TNS3: variants seen among roughly 807,000 people sequenced by gnomAD.
TNS3 encodes the protein tensin-3.
In TNS3, 45 loss-of-function variants were observed where a neutral mutation model predicts 140.9. That is an observed-to-expected ratio of 0.32 (90% CI 0.25 to 0.41). The LOEUF (loss-of-function observed/expected upper bound fraction) is 0.41. Among genes scored for constraint, TNS3 ranks in the 10% least tolerant of loss-of-function variants. The pLI is 1.00. For synonymous variants in TNS3, 815 were observed against 788.4 expected (o/e 1.03, Z -0.56); for missense variants, 1,716 against 1,906.7 (o/e 0.90, Z 1.86).
At chr7:47,449,335 T>C (rs756859334) in intron 4 of TNS3, among the ~76,000 whole-genome samples, 22 of 152,340 alleles carry the variant, frequency 1.4e-4, no homozygotes, top group Admixed American at 6.5e-4. Context: ...AGCCTGGTCC[T>C]CAGAGCCCTG....
intron 1 of TNS3, 33 bp from the exon 2 acceptor site, chr7:47,529,180 T>G: frequency 8.9e-7 from 1 of 1,122,620 alleles, no homozygotes; most frequent in African/African-American, 1.6e-5. Context: ...TGTCAACGTT[T>G]CATCTCATAG....
At chr7:47,529,011 G>T in intron 2 of TNS3, 25 bp downstream of exon 2, 1 of 1,223,542 alleles carries the variant, frequency 8.2e-7, no homozygotes, top group Non-Finnish European at 1.1e-6. Flanking sequence ...ATTAATCAGT[G>T]AGAGAATCAT....
intron 1 of TNS3, chr7:47,556,917 G>A (rs1800209705): frequency 4.7e-6 from 2 of 421,458 alleles, no homozygotes; most frequent in African/African-American, 4.0e-5. Flanking sequence ...TGGGCAGAAG[G>A]GCAGGTTGCA....
intron 20 of TNS3, among the ~76,000 whole-genome samples, chr7:47,317,500 A>G (rs776738057): frequency 2.0e-5 from 3 of 152,208 alleles, no homozygotes; most frequent in Non-Finnish European, 4.4e-5. Flanking sequence ...GAGAATTCTA[A>G]TGTTGAAACA....
chr7:47,447,278 GTTTGTTTGTT>G (rs1795794373), intron 4 of TNS3, among the ~76,000 whole-genome samples: 1 of 151,402 alleles, frequency 6.6e-6, no homozygotes, highest in Admixed American at 6.6e-5. Context: ...TTGTTTGTTT[GTTTGTTTGTT>G]TTTGAGATGG....
intron 3 of TNS3, among the ~76,000 whole-genome samples, chr7:47,491,550 G>A (rs1259305306): frequency 1.3e-5 from 2 of 152,168 alleles, no homozygotes; most frequent in Admixed American, 6.5e-5. Context: ...GGGACCCCAC[G>A]GCCTTTCAAA....
chr7:47,520,857 G>A lies in TNS3; in HGVS notation c.-153+8179C>T, dbSNP rs368379214. On this transcript the variant is annotated intron_variant, in intron 2 of 30. Coordinates refer to ENST00000311160, the MANE Select transcript of TNS3 (RefSeq NM_022748.12). ...TAGAAGTCAACCCCAGGGTGGGGCT[G>A]GGCTTGCCCTCAGGGTTGGGGGACT... Among the ~76,000 whole-genome samples, 34 of 152,326 alleles carry A rather than the reference G, an allele frequency of 2.2e-4. No homozygotes were observed. The South Asian group carries it at 5.2e-3, about 23-fold the overall frequency.
Position 47,277,909 on chromosome 7 carries a change from G to A in TNS3, c.*167C>T, listed in dbSNP as rs1784939412. 1 of 790,938 alleles carries A rather than the reference G, an allele frequency of 1.3e-6. No individual in the cohort carries two copies. Among genetic ancestry groups the A allele is most frequent in the Non-Finnish European group, 2.2e-6 (1 of 461,972 alleles). 49.0% of individuals were successfully genotyped at this position (790,938 alleles called of 1,614,324 possible). On this transcript the variant is annotated 3_prime_UTR_variant, in exon 31 of 31. Coordinates refer to ENST00000311160, the MANE Select transcript of TNS3 (RefSeq NM_022748.12). ...CTTTCAGGAAAGGCCAATTCACGGT[G>A]ATGTTGTTTGTTCTTGTTTTTGCAG...
chr7:47,579,711 T>A (rs1273278958), intron 1 of TNS3: 2 of 335,344 alleles, frequency 6.0e-6, no homozygotes, highest in Non-Finnish European at 8.5e-6. Context: ...CTCATTCAGA[T>A]CCCTAACTGT....
In TNS3 at chr7:47,280,273, G is replaced by A. The variant is rs771778735; in HGVS notation, c.4166+13C>T. 18 of 1,614,070 alleles carry A rather than the reference G, an allele frequency of 1.1e-5. No individual in the cohort carries two copies. The highest frequency in any genetic ancestry group is 1.5e-5 in the Non-Finnish European group (18 of 1,179,958). On this transcript the variant is annotated intron_variant, in intron 29 of 30. Coordinates refer to ENST00000311160, the MANE Select transcript of TNS3 (RefSeq NM_022748.12). Reference sequence around the variant, plus strand: ...AGTACACTCCTTGCTCAATAAAAATGCAAATTTCTTACTTCCTGTCTTGTG... The same window carrying A: ...AGTACACTCCTTGCTCAATAAAAATACAAATTTCTTACTTCCTGTCTTGTG...
At chr7:47,460,978 C>G (rs146388150) in intron 4 of TNS3, among the ~76,000 whole-genome samples, 150 of 152,242 alleles carry the variant, frequency 9.9e-4, no homozygotes, top group African/African-American at 3.6e-3. Context: ...ATAGATCCCG[C>G]CATGAGAAAA....
At chr7:47,441,874 G>T in intron 5 of TNS3, 129 bp downstream of exon 5, 1 of 674,428 alleles carries the variant, frequency 1.5e-6, no homozygotes, top group Non-Finnish European at 2.3e-6. Context: ...CCTTTGATTG[G>T]CAATGTTTAC....
chr7:47,278,138 G>A lies in TNS3; in HGVS notation c.4276C>T (p.Pro1426Ser). The A allele has an allele frequency of 6.2e-7, 1 of 1,614,118 alleles. No individual in the cohort carries two copies. Among genetic ancestry groups the A allele is most frequent in the Non-Finnish European group, 8.5e-7 (1 of 1,180,012 alleles). Residue 1426 changes from proline to serine, a missense_variant, in exon 31 of 31, where the codon CCT (proline) becomes TCT (serine). Coordinates refer to ENST00000311160, the MANE Select transcript of TNS3 (RefSeq NM_022748.12). Reference sequence around the variant, plus strand: ...ACGAAGTTGACAATGGCACTGGCAGGCTGCTCAGGGTCATGCTCTGCAAAC... The same window carrying A: ...ACGAAGTTGACAATGGCACTGGCAGACTGCTCAGGGTCATGCTCTGCAAAC... ...HLFAEHDPEQ[P>S]ASAIVNFVSK...
intron 18 of TNS3, 90 bp downstream of exon 18, chr7:47,346,097 A>G: frequency 6.6e-6 from 10 of 1,518,658 alleles, no homozygotes; most frequent in Non-Finnish European, 9.0e-6. Flanking sequence ...TTCAGGGACA[A>G]GGCCTGGTCA....
intron 4 of TNS3, among the ~76,000 whole-genome samples, chr7:47,475,657 G>A (rs910205210): frequency 2.0e-5 from 3 of 152,204 alleles, no homozygotes; most frequent in Admixed American, 6.5e-5. Context: ...GCACCTGAGG[G>A]CATCAAGATT....
At chr7:47,361,206 C>CAAAAAGAAAAAAAAAAAAAAA (rs1790298688) in intron 17 of TNS3, among the ~76,000 whole-genome samples, 1 of 47,154 alleles carries the variant, frequency 2.1e-5, no homozygotes, top group Non-Finnish European at 4.6e-5. Flanking sequence ...GTAACCATGC[C>CAAAAAGAAAAAAAAAAAAAAA]AAAAAAAAAA....
At chr7:47,569,886 C>T (rs751686077) in intron 1 of TNS3, among the ~76,000 whole-genome samples, 4 of 151,918 alleles carry the variant, frequency 2.6e-5, no homozygotes, top group African/African-American at 7.2e-5. Context: ...TGGTGGCTCA[C>T]GCCTGTAATC....
rs762025606 is a variant in TNS3 at position 47,297,112 on chromosome 7, G to T, written c.3646C>A (p.Pro1216Thr). 6.2e-7 allele frequency: 1 copy of T among 1,614,140 alleles called. No homozygotes were observed. The highest frequency in any genetic ancestry group is 8.5e-7 in the Non-Finnish European group (1 of 1,180,028). Reference sequence around the variant, plus strand: ...TTGTTCAGCTGCAGGACTGAAGGTGGGGGCGTGGCCACCTTCATGGCCAGG... The same window carrying T: ...TTGTTCAGCTGCAGGACTGAAGGTGTGGGCGTGGCCACCTTCATGGCCAGG... ...YGLAMKVATP[P>T]PSVLQLNKKA... The change falls in exon 24 of 31, where the codon CCA becomes ACA. Residue 1216 changes from proline to threonine, a missense_variant. Pro to Thr is a conservative substitution (Grantham distance 38, BLOSUM62 -1). Coordinates refer to ENST00000311160, the MANE Select transcript of TNS3 (RefSeq NM_022748.12).
chr7:47,575,202 A>G (rs918480071), intron 1 of TNS3, among the ~76,000 whole-genome samples: 1 of 152,232 alleles, frequency 6.6e-6, no homozygotes, highest in Non-Finnish European at 1.5e-5. Flanking sequence ...TGGTACATCC[A>G]CATACTGGAG....
Sources: allele counts gnomAD v4.1 joint callset (sites outside exome capture counted in the v4.1 genomes callset), GRCh38; gene constraint gnomAD v4.1.1; transcripts MANE v1.5; gene names NCBI Gene and HGNC (gene_info 2026-07-23, HGNC 2026-07-21).